Variants in STX8 observed in about 807,000 individuals in gnomAD.
The protein encoded by STX8 is syntaxin-8.
STX8 carries 23 observed loss-of-function variants against 37.5 expected under a neutral mutation model. That is an observed-to-expected ratio of 0.61 (90% confidence interval 0.44 to 0.87). The LOEUF (loss-of-function observed/expected upper bound fraction) is 0.87. Among genes scored for constraint, STX8 ranks in the 40% least tolerant of loss-of-function variants. The probability of loss-of-function intolerance (pLI) is 0.00; values close to 1 mark genes in which losing one functional copy is unlikely to be tolerated. For missense variants in STX8, 313 were observed against 284.7 expected (o/e 1.10, Z -0.71); for synonymous variants, 115 against 99.1 (o/e 1.16, Z -0.95).
chr17:9,348,830 G>A (rs529102527), intron 7 of STX8, among the ~76,000 whole-genome samples: 24 of 152,304 alleles, frequency 1.6e-4, no homozygotes, highest in African/African-American at 5.8e-4. Context: ...CTTTGGTTTG[G>A]CTTCCTACCT....
At chr17:9,321,438 G>A (rs1019989670) in intron 7 of STX8, among the ~76,000 whole-genome samples, 4 of 152,040 alleles carry the variant, frequency 2.6e-5, no homozygotes, top group African/African-American at 9.7e-5. Context: ...GCTGAGGCAG[G>A]AGAATTGCTT....
chr17:9,469,622 T>C (rs2142434755), intron 6 of STX8: 1 of 152,326 alleles, frequency 6.6e-6, no homozygotes, highest in East Asian at 1.9e-4. Flanking sequence ...TCTCTGTCCA[T>C]TTCTGGCAAG....
intron 3 of STX8, among the ~76,000 whole-genome samples, chr17:9,546,893 A>G (rs1415030415): frequency 4.4e-5 from 1 of 22,644 alleles, no homozygotes; most frequent in African/African-American, 2.0e-4. Flanking sequence ...CAGTGCGCCC[A>G]GACACAAGTT....
intron 7 of STX8, among the ~76,000 whole-genome samples, chr17:9,334,351 T>A (rs1910072505): frequency 6.6e-6 from 1 of 152,110 alleles, no homozygotes; most frequent in Non-Finnish European, 1.5e-5. Flanking sequence ...AGTAGTCTAG[T>A]CCCCAGGCAA....
chr17:9,434,555 G>A (rs1320816550), intron 6 of STX8, among the ~76,000 whole-genome samples: 1 of 152,196 alleles, frequency 6.6e-6, no homozygotes, highest in Non-Finnish European at 1.5e-5. Flanking sequence ...AGAAAAATGT[G>A]AGAGACAGTT....
chr17:9,261,279 C>A (rs1373808644), intron 7 of STX8, among the ~76,000 whole-genome samples: 1 of 152,200 alleles, frequency 6.6e-6, no homozygotes, highest in Non-Finnish European at 1.5e-5. Flanking sequence ...CGAGTCAGGT[C>A]AGAGTGGCTG....
chr17:9,506,409 C>CG (rs1482399942), intron 4 of STX8, among the ~76,000 whole-genome samples: 1 of 33,426 alleles, frequency 3.0e-5, no homozygotes, highest in Non-Finnish European at 6.8e-5. Flanking sequence ...TCACCCGCTC[C>CG]CCCCCCCCCC....
chr17:9,319,811 C>A (rs149123456), intron 7 of STX8, among the ~76,000 whole-genome samples: 1 of 150,746 alleles, frequency 6.6e-6, no homozygotes, highest in African/African-American at 2.4e-5. Flanking sequence ...ATTAGCCAGG[C>A]CTGGTGTCAC....
At chr17:9,279,719 C>T (rs1183415339) in intron 7 of STX8, among the ~76,000 whole-genome samples, 1 of 104,110 alleles carries the variant, frequency 9.6e-6, no homozygotes, top group Non-Finnish European at 2.5e-5. Context: ...ATGCTGCCAA[C>T]AACAACCCTC....
rs551771809 is a variant in STX8 at position 9,480,289 on chromosome 17, CA to C, written c.541+11539del. On this transcript the variant is annotated intron_variant, in intron 6 of 7. Transcript: ENST00000306357. ...GTTCAACATTTGTTTAACGAATAAA[CA>C]ATTTGGAGAATGTACTGAGGAAGGA... 2.6e-3 allele frequency among the ~76,000 whole-genome samples: 391 copies of C among 152,176 alleles called. 1 individual carries two copies. Among genetic ancestry groups the C allele is most frequent in the African/African-American group, 9.0e-3 (374 of 41,528 alleles).
chr17:9,259,380 C>T (rs1251599091), intron 7 of STX8, among the ~76,000 whole-genome samples: 1 of 152,200 alleles, frequency 6.6e-6, no homozygotes, highest in Non-Finnish European at 1.5e-5. Context: ...CGTAAATGTC[C>T]TGCAACAGAG....
chr17:9,538,989 C>T (rs1050359604), intron 4 of STX8, among the ~76,000 whole-genome samples: 10 of 152,066 alleles, frequency 6.6e-5, no homozygotes, highest in African/African-American at 2.4e-4. Context: ...CAGGGCTTAT[C>T]TTCTTCTAAG....
chr17:9,265,643 A>G (rs1305725200), intron 7 of STX8, among the ~76,000 whole-genome samples: 2 of 152,234 alleles, frequency 1.3e-5, no homozygotes, highest in Admixed American at 6.5e-5. Context: ...GAAAGCAGAA[A>G]TAACACTGAT....
intron 6 of STX8, among the ~76,000 whole-genome samples, chr17:9,488,800 AAGAG>A (rs201248571): frequency 1.7e-3 from 243 of 140,902 alleles, no homozygotes; most frequent in African/African-American, 4.2e-3. Flanking sequence ...TTAAGAGAGA[AAGAG>A]AGAGAGAGAG....
intron 7 of STX8, among the ~76,000 whole-genome samples, chr17:9,296,152 T>A (rs979076399): frequency 3.3e-5 from 5 of 151,886 alleles, no homozygotes; most frequent in Non-Finnish European, 4.4e-5. Flanking sequence ...ATCGTGCTAC[T>A]GTACTCCAGC....
intron 6 of STX8, among the ~76,000 whole-genome samples, chr17:9,382,120 C>T (rs183767400): frequency 4.1e-4 from 62 of 151,748 alleles, no homozygotes; most frequent in Admixed American, 2.3e-3. Flanking sequence ...CTACATGTAT[C>T]GAACAACTCA....
intron 7 of STX8, among the ~76,000 whole-genome samples, chr17:9,278,385 G>C (rs964428552): frequency 5.3e-5 from 8 of 152,024 alleles, no homozygotes; most frequent in Non-Finnish European, 4.4e-5. Flanking sequence ...GGAGGCGGAG[G>C]TTGCGATGAG....
chr17:9,302,634 G>A (rs921487807), intron 7 of STX8, among the ~76,000 whole-genome samples: 33 of 152,210 alleles, frequency 2.2e-4, no homozygotes, highest in African/African-American at 5.5e-4. Flanking sequence ...GCTCTTTTCC[G>A]CTTCTGAAGT....
rs1904884840 is a variant in STX8 at position 9,507,530 on chromosome 17, C to A, written c.324-2368G>T. 6.6e-6 allele frequency among the ~76,000 whole-genome samples: 1 copy of A among 152,174 alleles called. No homozygotes were observed. Among genetic ancestry groups the A allele is most frequent in the African/African-American group, 2.4e-5 (1 of 41,446 alleles). ...AGGCATTCCCCACAGGAGAGCTGAG[C>A]AGCAGTGTGCCCATGTCCCAAACCT... On this transcript the variant is annotated intron_variant, in intron 4 of 7. Transcript: ENST00000306357. This position sits in a 1 kb window ranked among gnomAD's most constrained non-coding sequence, Gnocchi z 4.0.
Sources: gnomAD v4.1 joint callset for allele counts (sites outside exome capture counted in the v4.1 genomes callset) on GRCh38, gnomAD v4.1.1 for gene constraint, Gnocchi (gnomAD v3.1) non-coding constraint, MANE v1.5 for transcripts, NCBI Gene and HGNC (gene_info 2026-07-23, HGNC 2026-07-21) for gene names.